The following SNX29 variants were observed in gnomAD, a reference collection of about 807,000 sequenced individuals.
SNX29 encodes sorting nexin 29, also known as sorting nexin-29.
In SNX29, 78 loss-of-function variants were observed where a neutral mutation model predicts 102.1. The ratio of observed to expected loss-of-function variants is 0.76; its 90% CI spans 0.64 to 0.92. The LOEUF is 0.92. Ranked by LOEUF, SNX29 falls within the 40% of genes least tolerant of loss-of-function variation. The pLI, the probability that SNX29 is intolerant of heterozygous loss-of-function variation, is 0.00. For missense variants in SNX29, 1,280 were observed against 1,061.7 expected (o/e 1.21, Z -2.86); for synonymous variants, 580 against 414.5 (o/e 1.40, Z -4.85).
Position 12,074,784 on chromosome 16 carries a change from C to T in SNX29, c.1320-4049C>T, listed in dbSNP as rs191809575. ...TTTTCCAACTTGGTTCCATTCTCCC[C>T]GTCACTTTCAGGTACACCAATCAGA... On this transcript the variant is annotated intron_variant, in intron 10 of 20. Transcript: ENST00000566228. 8.5e-3 allele frequency among the ~76,000 whole-genome samples: 1,301 copies of T among 152,292 alleles called. 8 individuals carry two copies. The highest frequency in any genetic ancestry group is 0.014 in the Non-Finnish European group (977 of 68,024).
rs533899221 is a variant in SNX29 at position 12,135,273 on chromosome 16, A to C, written c.1595+5515A>C. Among the ~76,000 whole-genome samples the C allele has an allele frequency of 1.2e-4, 18 of 152,334 alleles. No homozygotes were observed. In the South Asian group the frequency reaches 3.7e-3, roughly 32 times the overall value. On this transcript the variant is annotated intron_variant, in intron 13 of 20. Transcript: ENST00000566228. ...GCTATCTGGGCATCCGGTGGCCCAC[A>C]CACATGGATATGCAAAATTAACCAT...
intron 13 of SNX29, among the ~76,000 whole-genome samples, chr16:12,169,028 G>C (rs2076082964): frequency 6.6e-6 from 1 of 152,208 alleles, no homozygotes; most frequent in Non-Finnish European, 1.5e-5. Flanking sequence ...CTTTGGAGGT[G>C]ATCTCAAGAC....
chr16:11,986,148 G>T (rs1048698875), intron 1 of SNX29, among the ~76,000 whole-genome samples: 1 of 151,998 alleles, frequency 6.6e-6, no homozygotes, highest in Non-Finnish European at 1.5e-5. Flanking sequence ...AGGGGAGCAG[G>T]TTAGGTGGGG....
chr16:12,212,403 C>A (rs1340143427), intron 14 of SNX29, among the ~76,000 whole-genome samples: 2 of 152,052 alleles, frequency 1.3e-5, no homozygotes, highest in Non-Finnish European at 2.9e-5. Flanking sequence ...GCTACTTCGT[C>A]CATGGTAGAC....
chr16:12,409,874 T>A (rs2084323695), intron 18 of SNX29, among the ~76,000 whole-genome samples: 1 of 152,230 alleles, frequency 6.6e-6, no homozygotes, highest in African/African-American at 2.4e-5. Flanking sequence ...TTTCAGCCTT[T>A]GCGTCTAGCG....
Position 11,999,344 on chromosome 16 carries a change from G to A in SNX29, c.55G>A (p.Asp19Asn). 6.2e-7 allele frequency: 1 copy of A among 1,614,154 alleles called. No individual in the cohort carries two copies. Among genetic ancestry groups the A allele is most frequent in the Non-Finnish European group, 8.5e-7 (1 of 1,180,002 alleles). ...ACAATTTCTGCTGGAGCGACTGCTG[G>A]ATGCAGTGAAACAGGTAAGCAGAAA... ...KRQFLLERLLDAVKQCQIRFG... is the reference protein window; with the variant it reads ...KRQFLLERLLNAVKQCQIRFG... Residue 19 changes from aspartate (D) to asparagine (N), a missense_variant, in exon 2 of 21, where the codon GAT (aspartate) becomes AAT (asparagine). Transcript: ENST00000566228.
intron 15 of SNX29, among the ~76,000 whole-genome samples, chr16:12,293,874 A>G (rs1216325556): frequency 6.6e-6 from 1 of 152,218 alleles, no homozygotes; most frequent in East Asian, 1.9e-4. Context: ...ATACGGTGCC[A>G]GGCATATTCC....
chr16:12,250,914 G>A (rs1289296186), intron 14 of SNX29, among the ~76,000 whole-genome samples: 2 of 152,198 alleles, frequency 1.3e-5, no homozygotes, highest in African/African-American at 4.8e-5. Flanking sequence ...CCCTGACCCC[G>A]GTACTGCAGT....
At chr16:12,131,677 T>A (rs2054473009) in intron 13 of SNX29, among the ~76,000 whole-genome samples, 1 of 152,182 alleles carries the variant, frequency 6.6e-6, no homozygotes, top group Non-Finnish European at 1.5e-5. Flanking sequence ...TAAATCTACT[T>A]TAAAATAAGA....
intron 13 of SNX29, among the ~76,000 whole-genome samples, chr16:12,181,735 C>T (rs1031786941): frequency 6.6e-6 from 1 of 152,062 alleles, no homozygotes; most frequent in Non-Finnish European, 1.5e-5. Context: ...CAGGGCTTTT[C>T]ATCAGATCTG....
At chr16:12,229,726 C>T (rs565184260) in intron 14 of SNX29, among the ~76,000 whole-genome samples, 5 of 151,940 alleles carry the variant, frequency 3.3e-5, no homozygotes, top group African/African-American at 9.7e-5. Flanking sequence ...GGTTGCTGTT[C>T]TTGGGGTAGT....
At position 12,573,333 on chromosome 16, in the gene SNX29, A is replaced by G. The variant is rs781168749; in HGVS notation, c.*4704A>G. 22 of 225,712 alleles carry G rather than the reference A, an allele frequency of 9.7e-5. No homozygotes were observed. Among genetic ancestry groups the G allele is most frequent in the Non-Finnish European group, 1.9e-4 (21 of 113,484 alleles). The allele number at this position is 225,712 out of a possible 1,614,324, so 14.0% of individuals were successfully genotyped here. A position where few individuals can be genotyped will look rare whatever the true frequency, so the allele number is the denominator to read the frequency against. ...CGATTTGGGTACTCTGAATTATGTC[A>G]TGGAGTAGACAGTTACTTCTAAATC... On this transcript the variant is annotated 3_prime_UTR_variant, in exon 21 of 21. Transcript: ENST00000566228.
intron 19 of SNX29, among the ~76,000 whole-genome samples, chr16:12,518,848 C>G (rs764873414): frequency 1.3e-5 from 2 of 152,200 alleles, no homozygotes; most frequent in African/African-American, 2.4e-5. Flanking sequence ...TGCATTCCCA[C>G]AGAGCCGGTA....
At chr16:12,472,077 G>T (rs893650046) in intron 18 of SNX29, among the ~76,000 whole-genome samples, 1 of 152,180 alleles carries the variant, frequency 6.6e-6, no homozygotes, top group African/African-American at 2.4e-5. Context: ...ATACAAACAG[G>T]GAAATATTCA....
At chr16:12,167,702 C>T (rs1223062753) in intron 13 of SNX29, among the ~76,000 whole-genome samples, 2 of 152,094 alleles carry the variant, frequency 1.3e-5, no homozygotes, top group African/African-American at 4.8e-5. Context: ...AGATGTGGGA[C>T]CAAGGCACAA....
chr16:12,205,542 C>T (rs1425778253), intron 14 of SNX29, among the ~76,000 whole-genome samples: 1 of 152,044 alleles, frequency 6.6e-6, no homozygotes, highest in Admixed American at 6.5e-5. Flanking sequence ...GATCCTCAAA[C>T]ATGCCAGGCT....
At chr16:12,467,685 C>A (rs949674177) in intron 18 of SNX29, among the ~76,000 whole-genome samples, 8 of 151,326 alleles carry the variant, frequency 5.3e-5, no homozygotes, top group Non-Finnish European at 1.2e-4. Context: ...TCATTCTGTC[C>A]TTCTTAAAAG....
intron 16 of SNX29, among the ~76,000 whole-genome samples, chr16:12,379,855 C>G (rs1331875114): frequency 6.6e-6 from 1 of 152,106 alleles, no homozygotes; most frequent in African/African-American, 2.4e-5. Flanking sequence ...AGTGATGAGA[C>G]TGTTGTTTAG....
chr16:11,985,274 T>C (rs896841330), intron 1 of SNX29, among the ~76,000 whole-genome samples: 1 of 152,216 alleles, frequency 6.6e-6, no homozygotes, highest in Non-Finnish European at 1.5e-5. Flanking sequence ...GTGCATCCTC[T>C]ATCACTTATC....
Sources: gnomAD v4.1 joint callset for allele counts (sites outside exome capture counted in the v4.1 genomes callset) on GRCh38, gnomAD v4.1.1 for gene constraint, MANE v1.5 for transcripts, NCBI Gene and HGNC (gene_info 2026-07-23, HGNC 2026-07-21) for gene names.